The following SLF1 variants were observed in gnomAD, a reference collection of about 807,000 sequenced individuals.
The protein encoded by SLF1 is SMC5-SMC6 complex localization factor protein 1.
SLF1 carries 105 observed loss-of-function variants against 123.0 expected under a neutral mutation model. That is an observed-to-expected ratio of 0.85 (90% confidence interval 0.73 to 1.00). SLF1 has a LOEUF of 1.00. Ranked by LOEUF, SLF1 falls within the 50% of genes least tolerant of loss-of-function variation. SLF1 has a pLI of 0.00. For synonymous variants in SLF1, 434 were observed against 406.6 expected (o/e 1.07, Z -0.81); for missense variants, 1,239 against 1,223.0 (o/e 1.01, Z -0.20).
At chr5:94,636,384 C>T (rs182815640) in intron 4 of SLF1, among the ~76,000 whole-genome samples, 1 of 152,056 alleles carries the variant, frequency 6.6e-6, no homozygotes, top group Non-Finnish European at 1.5e-5. Flanking sequence ...TGGTCCCTTT[C>T]CTCTCTCTTC....
chr5:94,679,897 T>C (rs1474439245), intron 15 of SLF1, among the ~76,000 whole-genome samples: 1 of 152,214 alleles, frequency 6.6e-6, no homozygotes, highest in Non-Finnish European at 1.5e-5. Flanking sequence ...CCAAACTCCA[T>C]AGCCAGTTTA....
intron 14 of SLF1, among the ~76,000 whole-genome samples, chr5:94,673,951 G>A (rs12655669): frequency 0.15 from 22,548 of 151,666 alleles, 1,876 homozygotes; most frequent in East Asian, 0.32. Flanking sequence ...ACACTGTTTT[G>A]TGCATGTATC....
intron 12 of SLF1, among the ~76,000 whole-genome samples, chr5:94,669,395 T>C (rs72773549): frequency 0.22 from 33,817 of 151,982 alleles, 3,887 homozygotes; most frequent in East Asian, 0.34. Flanking sequence ...ATATAATCAA[T>C]AAGAAAAGTG....
intron 15 of SLF1, among the ~76,000 whole-genome samples, chr5:94,686,057 T>C (rs1030391449): frequency 6.6e-6 from 1 of 152,202 alleles, no homozygotes; most frequent in African/African-American, 2.4e-5. Flanking sequence ...TTTTTCTTCT[T>C]TACCTTGTGC....
intron 20 of SLF1, among the ~76,000 whole-genome samples, chr5:94,692,491 T>C (rs1309044806): frequency 6.6e-6 from 1 of 152,094 alleles, no homozygotes; most frequent in African/African-American, 2.4e-5. Context: ...CCTATTTAGG[T>C]TCGTGTATGA....
rs568681181 is a variant in SLF1 at position 94,678,975 on chromosome 5, G to GT, written c.1975+27dup. On this transcript the variant is annotated intron_variant, in intron 15 of 20. Transcript: ENST00000265140. ...GTGATGGTAAGTTTGTCTATGTTCT[G>GT]TTTTTTTCAGACCCATTCTGGAAAT... The GT allele has an allele frequency of 5.4e-4, 870 of 1,605,644 alleles. 4 individuals are homozygous for GT. In the South Asian group the frequency reaches 7.4e-3, roughly 14 times the overall value.
At chr5:94,689,129 A>T (rs1752781084) in intron 17 of SLF1, among the ~76,000 whole-genome samples, 1 of 152,218 alleles carries the variant, frequency 6.6e-6, no homozygotes, top group African/African-American at 2.4e-5. Flanking sequence ...ATAGAATCAG[A>T]ATATGAAAGT....
At chr5:94,688,714 GCTCTTT>G in intron 17 of SLF1, 45 bp downstream of exon 17, 1 of 1,593,114 alleles carries the variant, frequency 6.3e-7, no homozygotes, top group South Asian at 1.1e-5. Context: ...TTGGAGTACA[GCTCTTT>G]CTCTGATGCA....
chr5:94,626,605 G>A (rs1792271090), intron 1 of SLF1, among the ~76,000 whole-genome samples: 2 of 152,144 alleles, frequency 1.3e-5, no homozygotes, highest in Admixed American at 1.3e-4. Flanking sequence ...TTTTTATTGA[G>A]TAAACATTGT....
chr5:94,652,015 T>TTTTTTTTC (rs200049516), intron 7 of SLF1, among the ~76,000 whole-genome samples, 170 bp downstream of exon 7: 21,385 of 82,360 alleles, frequency 0.26, 1,731 homozygotes, highest in East Asian at 0.44. Context: ...TTCTTTTTTC[T>TTTTTTTTC]TTTTTTTTTT....
intron 9 of SLF1, among the ~76,000 whole-genome samples, chr5:94,659,157 G>T (rs1748765271): frequency 6.6e-6 from 1 of 151,052 alleles, no homozygotes; most frequent in African/African-American, 2.4e-5. Flanking sequence ...TTCATTCATT[G>T]AATTCTTAAG....
chr5:94,649,312 A>C (rs2152477676), intron 5 of SLF1, 142 bp from the exon 6 acceptor site: 1 of 588,194 alleles, frequency 1.7e-6, no homozygotes, highest in Non-Finnish European at 2.6e-6. Context: ...ATCAGTGTTT[A>C]ACATCCTTTG....
intron 10 of SLF1, 60 bp from the exon 11 acceptor site, chr5:94,663,690 G>T (rs1749402051): frequency 7.8e-6 from 10 of 1,286,684 alleles, no homozygotes; most frequent in South Asian, 6.5e-5. Context: ...ACTAATTCAT[G>T]ATTTGATTGC....
At chr5:94,638,747 AGT>A (rs1253699140) in intron 4 of SLF1, among the ~76,000 whole-genome samples, 2 of 152,102 alleles carry the variant, frequency 1.3e-5, no homozygotes, top group African/African-American at 4.8e-5. Flanking sequence ...GTTTTTATGA[AGT>A]TCTGTGGTTT....
In SLF1 at chr5:94,649,571, T is replaced by G. The variant is rs746021703; in HGVS notation, c.712T>G (p.Leu238Val). ...DAGFLEMKGA[L>V]RETMYRTQKE... ...AGGATTTCTTGAAATGAAAGGTGCC[T>G]TAAGAGAGACCATGTATAGAACCCA... Residue 238 changes from leucine to valine, a missense_variant, in exon 6 of 21, where the codon TTA becomes GTA. By Grantham distance (32) the Leu-to-Val change is conservative (BLOSUM62 1). Transcript: ENST00000265140. 6 of 1,526,922 alleles carry G rather than the reference T, an allele frequency of 3.9e-6. No homozygotes were observed. In the South Asian group the frequency reaches 7.5e-5, roughly 19 times the overall value. The allele number at this position is 1,526,922 out of a possible 1,614,324, so 94.6% of individuals were successfully genotyped here.
intron 1 of SLF1, among the ~76,000 whole-genome samples, chr5:94,622,101 A>G (rs1432154205): frequency 7.9e-5 from 12 of 152,236 alleles, no homozygotes; most frequent in Non-Finnish European, 1.0e-4. Flanking sequence ...TTATACACAC[A>G]GTATAAGTAC....
rs959146179 is a variant in SLF1, at chr5:94,630,577, G to A, written c.265G>A (p.Glu89Lys). 28 of 1,551,538 alleles carry A rather than the reference G, an allele frequency of 1.8e-5. No individual in the cohort carries two copies. Among genetic ancestry groups the A allele is most frequent in the African/African-American group, 1.2e-4 (9 of 73,036 alleles). ...CAGATGGCTTGATGAAACAACTTAT[G>A]AATGGGGATATAAAATTGAAAAAGA... ...SGRWLDETTY[E>K]WGYKIEKDSR... The change falls in exon 4 of 21, where the codon GAA (glutamate) becomes AAA (lysine). Residue 89 changes from glutamate (E) to lysine (K), a missense_variant. Coordinates refer to ENST00000265140, the MANE Select transcript of SLF1 (RefSeq NM_032290.4).
At chr5:94,672,481 CT>C (rs1227439059) in intron 14 of SLF1, among the ~76,000 whole-genome samples, 2 of 151,676 alleles carry the variant, frequency 1.3e-5, no homozygotes, top group Admixed American at 6.6e-5. Flanking sequence ...ACCATTTCCC[CT>C]GTCCTCCTCT....
At chr5:94,660,703 G>A (rs1197309084) in intron 9 of SLF1, among the ~76,000 whole-genome samples, 1 of 152,168 alleles carries the variant, frequency 6.6e-6, no homozygotes, top group Non-Finnish European at 1.5e-5. Flanking sequence ...ACCCCCCAGT[G>A]GGCCACTCCT....
Sources: gnomAD v4.1 joint callset for allele counts (sites outside exome capture counted in the v4.1 genomes callset) on GRCh38, gnomAD v4.1.1 for gene constraint, MANE v1.5 for transcripts, NCBI Gene and HGNC (gene_info 2026-07-23, HGNC 2026-07-21) for gene names.